Variants in DOCK4 observed in about 807,000 individuals in gnomAD.
The protein encoded by DOCK4 is dedicator of cytokinesis 4.
In DOCK4, 97 loss-of-function variants were observed where a neutral mutation model predicts 268.1. The observed-to-expected ratio is 0.36, with a 90% CI of 0.31 to 0.43. The LOEUF is 0.43. Among genes scored for constraint, DOCK4 ranks in the 20% least tolerant of loss-of-function variants. The pLI is 1.00. For missense variants in DOCK4, 2,145 were observed against 2,455.7 expected, an observed-to-expected ratio of 0.87 and a Z score of 2.67; for synonymous variants, 954 against 887.2, an observed-to-expected ratio of 1.08 and a Z score of -1.34.
At chr7:112,181,639 CAAAAAA>C (rs55807955) in intron 1 of DOCK4, among the ~76,000 whole-genome samples, 1 of 65,370 alleles carries the variant, frequency 1.5e-5, no homozygotes, top group Admixed American at 2.1e-4. Flanking sequence ...GACACTGTCT[CAAAAAA>C]AAAAAAAAAA....
chr7:111,989,457 T>A (rs1037707412), intron 5 of DOCK4, among the ~76,000 whole-genome samples: 5 of 152,206 alleles, frequency 3.3e-5, no homozygotes, highest in African/African-American at 1.2e-4. Flanking sequence ...AATGCTACTA[T>A]CCAAGAAGAC....
intron 1 of DOCK4, among the ~76,000 whole-genome samples, chr7:112,170,072 G>T (rs1379243594): frequency 6.6e-6 from 1 of 151,334 alleles, no homozygotes; most frequent in African/African-American, 2.4e-5. Flanking sequence ...GAGGAAAGAG[G>T]CTGCAAAAAG....
intron 13 of DOCK4, among the ~76,000 whole-genome samples, chr7:111,904,876 C>T (rs138696701): frequency 3.5e-4 from 53 of 152,268 alleles, no homozygotes; most frequent in Admixed American, 6.5e-4. Flanking sequence ...AAAGAACCTC[C>T]GGAAATTAAC....
At chr7:112,200,907 C>T (rs189791593) in intron 1 of DOCK4, among the ~76,000 whole-genome samples, 58 of 152,056 alleles carry the variant, frequency 3.8e-4, no homozygotes, top group African/African-American at 1.4e-3. Flanking sequence ...GTCTGTATGG[C>T]CCTTCGGTGG....
At chr7:111,961,447 T>A (rs1485049932) in intron 8 of DOCK4, among the ~76,000 whole-genome samples, 1 of 152,186 alleles carries the variant, frequency 6.6e-6, no homozygotes, top group Non-Finnish European at 1.5e-5. Context: ...GTGAATGAAC[T>A]AGTGAATGGG....
intron 11 of DOCK4, among the ~76,000 whole-genome samples, chr7:111,936,485 A>AATGAATGGATGG (rs371416256): frequency 0.013 from 1,923 of 148,148 alleles, 23 homozygotes; most frequent in East Asian, 0.045. Flanking sequence ...CAGTGGTATG[A>AATGAATGGATGG]ATGGATGGAT....
intron 1 of DOCK4, among the ~76,000 whole-genome samples, chr7:112,095,197 G>A (rs1020638104): frequency 6.6e-5 from 10 of 152,134 alleles, no homozygotes; most frequent in Non-Finnish European, 5.9e-5. Context: ...TATGGATTAT[G>A]AGCAAGGAGG....
intron 1 of DOCK4, among the ~76,000 whole-genome samples, chr7:112,053,949 C>A (rs987603966): frequency 6.6e-6 from 1 of 152,104 alleles, no homozygotes; most frequent in Non-Finnish European, 1.5e-5. Context: ...CTGAGCTTCT[C>A]GAACTCCCAC....
chr7:112,092,891 G>A (rs1809761805), intron 1 of DOCK4, among the ~76,000 whole-genome samples: 1 of 152,128 alleles, frequency 6.6e-6, no homozygotes, highest in South Asian at 2.1e-4. Context: ...TGTCAGAAAG[G>A]TTTTGTTCTC....
chr7:112,191,082 T>C (rs1487603365), intron 1 of DOCK4, among the ~76,000 whole-genome samples: 1 of 152,164 alleles, frequency 6.6e-6, no homozygotes, highest in African/African-American at 2.4e-5. Context: ...TCTTGTTTTG[T>C]TTAGTTTATT....
intron 39 of DOCK4, among the ~76,000 whole-genome samples, chr7:111,764,262 A>G (rs898758281): frequency 6.6e-6 from 1 of 152,234 alleles, no homozygotes; most frequent in African/African-American, 2.4e-5. Context: ...TGATTATTAA[A>G]CAATAAAGTG....
At chr7:111,733,779 G>A (rs543738152) in intron 51 of DOCK4, among the ~76,000 whole-genome samples, 3 of 152,322 alleles carry the variant, frequency 2.0e-5, no homozygotes, top group Admixed American at 6.5e-5. Flanking sequence ...TAGTTTGGCC[G>A]ATAAGTTTTA....
At chr7:112,046,825 G>A (rs1804866324) in intron 1 of DOCK4, among the ~76,000 whole-genome samples, 1 of 152,166 alleles carries the variant, frequency 6.6e-6, no homozygotes, top group Non-Finnish European at 1.5e-5. Context: ...TGGAGCACTG[G>A]AGGAACCAAA....
chr7:111,986,660 T>C (rs748715441), intron 6 of DOCK4, among the ~76,000 whole-genome samples: 5 of 152,116 alleles, frequency 3.3e-5, no homozygotes, highest in African/African-American at 1.2e-4. Context: ...TCCTCCCACA[T>C]AGTATTAGCA....
At chr7:111,977,412 G>A in intron 7 of DOCK4, 129 bp from the exon 8 acceptor site, 21 of 1,007,528 alleles carry the variant, frequency 2.1e-5, no homozygotes, top group South Asian at 4.7e-5. Context: ...CTGTGGATTT[G>A]GTATCTAAAT....
At chr7:111,782,060 A>G (rs1333431189) in intron 35 of DOCK4, among the ~76,000 whole-genome samples, 2 of 152,222 alleles carry the variant, frequency 1.3e-5, no homozygotes. Context: ...CTTGTATTTT[A>G]TATTTTCCTG....
chr7:111,799,344 A>G (rs1800109720), intron 30 of DOCK4, among the ~76,000 whole-genome samples: 1 of 152,198 alleles, frequency 6.6e-6, no homozygotes, highest in African/African-American at 2.4e-5. Context: ...TAAGCATGTA[A>G]CCTATTACTT....
At chr7:111,888,806 C>G (rs1262359708) in intron 16 of DOCK4, among the ~76,000 whole-genome samples, 1 of 152,076 alleles carries the variant, frequency 6.6e-6, no homozygotes, top group African/African-American at 2.4e-5. Flanking sequence ...AATTGCAGCG[C>G]TGTATGGAAT....
chr7:112,136,268 T>C (rs1312584129), intron 1 of DOCK4, among the ~76,000 whole-genome samples: 6 of 152,122 alleles, frequency 3.9e-5, no homozygotes, highest in Admixed American at 3.9e-4. Context: ...GCAACACACA[T>C]AAAGCCATTA....
Sources: gnomAD v4.1 joint callset for allele counts (sites outside exome capture counted in the v4.1 genomes callset) on GRCh38, gnomAD v4.1.1 for gene constraint, MANE v1.5 for transcripts, NCBI Gene and HGNC (gene_info 2026-07-23, HGNC 2026-07-21) for gene names.